Variants in LIPG observed in about 807,000 individuals in gnomAD.
LIPG encodes lipase G, endothelial type.
Under a neutral mutation model 51.8 loss-of-function variants are expected in LIPG, and 34 were observed. The observed-to-expected ratio is 0.66, with a 90% CI of 0.50 to 0.87. LIPG has a LOEUF of 0.87. Ranked by LOEUF, LIPG falls within the 40% of genes least tolerant of loss-of-function variation. LIPG has a pLI of 0.00. For synonymous variants in LIPG, 246 were observed against 246.1 expected (o/e 1.00, Z 0.00); for missense variants, 580 against 652.7 (o/e 0.89, Z 1.21).
At position 49,580,918 on chromosome 18, in the gene LIPG, T is replaced by C. The variant is rs78851581; in HGVS notation, c.794-497T>C. Among the ~76,000 whole-genome samples the C allele has an allele frequency of 6.2e-3, 948 of 152,266 alleles. 7 individuals are homozygous for C. The highest frequency in any genetic ancestry group is 0.021 in the African/African-American group (883 of 41,540). On this transcript the variant is annotated intron_variant, in intron 5 of 9. Coordinates refer to ENST00000261292, the MANE Select transcript of LIPG (RefSeq NM_006033.4). ...GTTAGGCAGCATGAATGGCCTTAAATTCCTCTACATCTTAATGGGAACCTA... is the reference window on the plus strand; with the variant it reads ...GTTAGGCAGCATGAATGGCCTTAAACTCCTCTACATCTTAATGGGAACCTA...
chr18:49,573,575 A>G (rs1291429487), intron 4 of LIPG, among the ~76,000 whole-genome samples: 1 of 150,864 alleles, frequency 6.6e-6, no homozygotes, highest in Non-Finnish European at 1.5e-5. Flanking sequence ...GCAAGATTCC[A>G]ACTCAAAAAA....
Position 49,592,255 on chromosome 18 carries a change from T to G in LIPG, c.*1733T>G, listed in dbSNP as rs2084953223. On this transcript the variant is annotated 3_prime_UTR_variant, in exon 10 of 10. Coordinates refer to ENST00000261292, the MANE Select transcript of LIPG (RefSeq NM_006033.4). ...TATGTTCTCAAGCCAATTGTGTGCT[T>G]CTCTTGTTTCTGTGATTGCTTTCTA... 1 of 152,244 alleles carries G rather than the reference T, an allele frequency of 6.6e-6. No individual in the cohort carries two copies. The highest frequency in any genetic ancestry group is 2.4e-5 in the African/African-American group (1 of 41,464). The allele number at this position is 152,244 out of a possible 1,614,324, so 9.4% of individuals were successfully genotyped here. A position where few individuals can be genotyped will look rare whatever the true frequency, so the allele number is the denominator to read the frequency against.
chr18:49,589,456 A>G (rs1177780534), intron 9 of LIPG: 1 of 152,244 alleles, frequency 6.6e-6, no homozygotes, highest in East Asian at 1.9e-4. Context: ...AAAGATGACT[A>G]AGGAAGGCTA....
At chr18:49,565,838 G>T (rs927731422) in intron 2 of LIPG, among the ~76,000 whole-genome samples, 8 of 152,222 alleles carry the variant, frequency 5.3e-5, no homozygotes, top group African/African-American at 1.4e-4. Flanking sequence ...TGCCGTGAGA[G>T]CTGAGCTTAA....
chr18:49,590,783 G>T lies in LIPG; in HGVS notation c.*261G>T. ...CCTCCAGAGCACCAAGTCCAGATTT[G>T]TGTGTAAGCAGCTGGGTGCCTGGGG... On this transcript the variant is annotated 3_prime_UTR_variant, in exon 10 of 10. Coordinates refer to ENST00000261292, the MANE Select transcript of LIPG (RefSeq NM_006033.4). 1 of 572,448 alleles carries T rather than the reference G, an allele frequency of 1.7e-6. No homozygotes were observed. 35.5% of individuals were successfully genotyped at this position (572,448 alleles called of 1,614,324 possible). A position where few individuals can be genotyped will look rare whatever the true frequency, so the allele number is the denominator to read the frequency against.
intron 8 of LIPG, among the ~76,000 whole-genome samples, 153 bp from the exon 9 acceptor site, chr18:49,586,593 G>A (rs1600568752): frequency 1.3e-5 from 2 of 152,186 alleles, no homozygotes; most frequent in African/African-American, 4.8e-5. Flanking sequence ...TAGAGTCCCT[G>A]CAGTAGTGAT....
chr18:49,579,031 A>ACCGT (rs1394048015), intron 5 of LIPG, among the ~76,000 whole-genome samples: 1 of 68 alleles, frequency 0.015, no homozygotes, highest in Non-Finnish European at 0.025. Flanking sequence ...GGAGAGGGAG[A>ACCGT]GGGAGAGGGA....
At chr18:49,570,773 G>C (rs958714356) in intron 4 of LIPG, among the ~76,000 whole-genome samples, 2 of 152,202 alleles carry the variant, frequency 1.3e-5, no homozygotes, top group African/African-American at 4.8e-5. Context: ...AGGTTGCAGT[G>C]AGCCGAGATT....
intron 9 of LIPG, among the ~76,000 whole-genome samples, chr18:49,588,197 G>T (rs911243757): frequency 2.0e-5 from 3 of 152,114 alleles, no homozygotes; most frequent in African/African-American, 7.2e-5. Context: ...GGAATGGGGT[G>T]GGAGATAAAG....
At chr18:49,562,851 G>C (rs977191588) in intron 1 of LIPG, among the ~76,000 whole-genome samples, 2 of 152,234 alleles carry the variant, frequency 1.3e-5, no homozygotes, top group African/African-American at 4.8e-5. Flanking sequence ...TGGCAGGGTA[G>C]CTGGCTTTGG....
rs953692881 is a variant in LIPG, at chr18:49,594,743, G to A, written c.*4221G>A. The A allele has an allele frequency of 6.6e-6, 1 of 152,216 alleles. No individual in the cohort carries two copies. Among genetic ancestry groups the A allele is most frequent in the Non-Finnish European group, 1.5e-5 (1 of 68,040 alleles). The allele number at this position is 152,216 out of a possible 1,614,324, so 9.4% of individuals were successfully genotyped here. A position where few individuals can be genotyped will look rare whatever the true frequency, so the allele number is the denominator to read the frequency against. On this transcript the variant is annotated 3_prime_UTR_variant, in exon 10 of 10. Coordinates refer to ENST00000261292, the MANE Select transcript of LIPG (RefSeq NM_006033.4). ...AGGAAGCTCTTTATAAAGGGCTTTA[G>A]TGATGGTGGAAACTCCACTGTCCAT...
At chr18:49,579,642 C>T (rs1396375817) in intron 5 of LIPG, among the ~76,000 whole-genome samples, 1 of 152,082 alleles carries the variant, frequency 6.6e-6, no homozygotes, top group Non-Finnish European at 1.5e-5. Context: ...CCCTGATGCT[C>T]AGTCTTTCCC....
chr18:49,582,547 C>CACAAGGGAGCGTGTGAACGAGT, intron 7 of LIPG, 65 bp downstream of exon 7: 1 of 1,600,858 alleles, frequency 6.2e-7, no homozygotes, highest in Non-Finnish European at 8.6e-7. Flanking sequence ...AATGAGAGAG[C>CACAAGGGAGCGTGTGAACGAGT]ACAAGGGAGC....
intron 3 of LIPG, 126 bp downstream of exon 3, chr18:49,567,747 A>G (rs1444688644): frequency 2.2e-6 from 2 of 925,052 alleles, no homozygotes; most frequent in East Asian, 2.6e-5. Context: ...TTGAGATTAA[A>G]AGTTTTATTG....
chr18:49,582,999 G>A (rs1025480715), intron 7 of LIPG, among the ~76,000 whole-genome samples: 10 of 152,198 alleles, frequency 6.6e-5, no homozygotes, highest in Non-Finnish European at 1.5e-4. Flanking sequence ...GACCAGGTTT[G>A]TACACGCACG....
intron 4 of LIPG, among the ~76,000 whole-genome samples, chr18:49,574,396 C>A (rs1452702446): frequency 6.6e-6 from 1 of 152,142 alleles, no homozygotes; most frequent in Non-Finnish European, 1.5e-5. Flanking sequence ...TTTCTATGTG[C>A]CATAATTCAT....
chr18:49,587,001 G>C lies in LIPG; in HGVS notation c.1481+151G>C, dbSNP rs188686152. ...TTAAGAAGTTGGGCCGGGCGTGGTGGCTCAAGCCTGTAATCCCAGCACTTT... is the reference window on the plus strand; with the variant it reads ...TTAAGAAGTTGGGCCGGGCGTGGTGCCTCAAGCCTGTAATCCCAGCACTTT... On this transcript the variant is annotated intron_variant, in intron 9 of 9. Coordinates refer to ENST00000261292, the MANE Select transcript of LIPG (RefSeq NM_006033.4). 405 of 647,774 alleles carry C rather than the reference G, an allele frequency of 6.3e-4. 1 individual carries two copies. The highest frequency in any genetic ancestry group is 4.1e-3 in the South Asian group (243 of 59,512). 40.1% of individuals were successfully genotyped at this position (647,774 alleles called of 1,614,324 possible).
chr18:49,576,441 A>AAAAGACAG (rs1487763910), intron 5 of LIPG, among the ~76,000 whole-genome samples: 3 of 126,960 alleles, frequency 2.4e-5, no homozygotes, highest in Admixed American at 7.7e-5. Context: ...TTCTTTTTTT[A>AAAAGACAG]AAAGACAGAA....
intron 5 of LIPG, among the ~76,000 whole-genome samples, chr18:49,577,685 C>T (rs1258712355): frequency 1.0e-5 from 1 of 95,702 alleles, no homozygotes; most frequent in East Asian, 2.4e-4. Context: ...CACGGCTGGC[C>T]AGGCGGGGGG....
Sources: gnomAD v4.1 joint callset for allele counts (sites outside exome capture counted in the v4.1 genomes callset) on GRCh38, gnomAD v4.1.1 for gene constraint, MANE v1.5 for transcripts, NCBI Gene and HGNC (gene_info 2026-07-23, HGNC 2026-07-21) for gene names.